The following VIPAS39 variants were observed in gnomAD, a reference collection of about 807,000 sequenced individuals.
VIPAS39 encodes the protein VPS33B interacting protein, apical-basolateral polarity regulator, spe-39 homolog.
A neutral mutation model predicts 84.7 loss-of-function variants in VIPAS39; 63 were observed. The observed-to-expected ratio is 0.74, with a 90% CI of 0.61 to 0.92. The LOEUF (loss-of-function observed/expected upper bound fraction) is 0.92. VIPAS39 is among the 40% of genes least tolerant of loss of function. The pLI is 0.00. For synonymous variants in VIPAS39, 192 were observed against 216.5 expected, an observed-to-expected ratio of 0.89 and a Z score of 0.99; for missense variants, 499 against 604.5, an observed-to-expected ratio of 0.83 and a Z score of 1.83.
At chr14:77,441,207 T>A in intron 10 of VIPAS39, 114 bp from the exon 11 acceptor site, 1 of 1,140,556 alleles carries the variant, frequency 8.8e-7, no homozygotes, top group Non-Finnish European at 1.3e-6. Context: ...CATTTCCCTC[T>A]ATACACAAGA....
intron 7 of VIPAS39, among the ~76,000 whole-genome samples, chr14:77,448,016 G>A (rs1453412093): frequency 1.5e-5 from 2 of 133,066 alleles, no homozygotes; most frequent in South Asian, 2.4e-4. Context: ...ATGCAGTGGT[G>A]CAATCTCAGC....
chr14:77,431,874 A>T (rs1007426832), intron 16 of VIPAS39, among the ~76,000 whole-genome samples: 2 of 152,220 alleles, frequency 1.3e-5, no homozygotes, highest in Non-Finnish European at 2.9e-5. Flanking sequence ...AAATATCTGT[A>T]ACTTACAAAA....
At chr14:77,435,746 A>T in intron 13 of VIPAS39, 98 bp downstream of exon 13, 1 of 1,344,756 alleles carries the variant, frequency 7.4e-7, no homozygotes, top group Non-Finnish European at 1.1e-6. Context: ...AGAAACCAGT[A>T]AGAAATGACC....
chr14:77,432,811 G>A (rs2078543922), intron 16 of VIPAS39, among the ~76,000 whole-genome samples: 1 of 152,154 alleles, frequency 6.6e-6, no homozygotes, highest in South Asian at 2.1e-4. Flanking sequence ...GAAATCTAAT[G>A]TACAGCATGA....
intron 13 of VIPAS39, 33 bp from the exon 14 acceptor site, chr14:77,435,426 A>AAAAC: frequency 1.2e-6 from 2 of 1,611,276 alleles, no homozygotes; most frequent in Non-Finnish European, 8.5e-7. Context: ...AAAAAAAAAA[A>AAAAC]AAACAATGTC....
chr14:77,436,102 G>A (rs1220898055), intron 12 of VIPAS39, among the ~76,000 whole-genome samples, 183 bp from the exon 13 acceptor site: 1 of 152,168 alleles, frequency 6.6e-6, no homozygotes, highest in Non-Finnish European at 1.5e-5. Context: ...CATATTAAAG[G>A]TTTTGCCAAT....
chr14:77,435,414 T>TG (rs2078593670), intron 13 of VIPAS39, 21 bp from the exon 14 acceptor site: 1 of 892,276 alleles, frequency 1.1e-6, no homozygotes, highest in Admixed American at 4.2e-5. Flanking sequence ...GTGAGCCAAG[T>TG]GAAAAAAAAA....
At chr14:77,435,423 A>AAAC (rs748725505) in intron 13 of VIPAS39, 30 bp from the exon 14 acceptor site, 5 of 1,610,714 alleles carry the variant, frequency 3.1e-6, no homozygotes, top group Non-Finnish European at 4.2e-6. Context: ...GTGAAAAAAA[A>AAAC]AAAAAACAAT....
chr14:77,443,913 C>T (rs1428296849), intron 8 of VIPAS39, among the ~76,000 whole-genome samples: 5 of 150,514 alleles, frequency 3.3e-5, no homozygotes, highest in Admixed American at 2.0e-4. Context: ...TGGTGGTATG[C>T]ACCTGTGGTC....
chr14:77,444,807 C>T (rs1237640942), intron 7 of VIPAS39, among the ~76,000 whole-genome samples: 2 of 152,046 alleles, frequency 1.3e-5, no homozygotes, highest in Non-Finnish European at 2.9e-5. Flanking sequence ...TGGTCTCGAT[C>T]TCCTGACCTC....
At position 77,429,696 on chromosome 14, in the gene VIPAS39, G is replaced by A; in HGVS notation, c.1251C>T (p.Asn417=). 6.2e-7 allele frequency: 1 copy of A among 1,614,182 alleles called. No homozygotes were observed. The highest frequency in any genetic ancestry group is 8.5e-7 in the Non-Finnish European group (1 of 1,180,016). ...GACCCATTACCTGCACAGGGGCATTGTTCTTGTGCAAAATTTCGACAACCC... is the reference window on the plus strand; with the variant it reads ...GACCCATTACCTGCACAGGGGCATTATTCTTGTGCAAAATTTCGACAACCC... ...FHRVVEILHK[N]NAPVQILQEY... Residue 417 remains asparagine (N), a synonymous_variant, in exon 17 of 20, where the codon AAC becomes AAT. Coordinates refer to ENST00000557658, the MANE Select transcript of VIPAS39 (RefSeq NM_001193315.2).
Position 77,437,807 on chromosome 14 carries a change from C to T in VIPAS39, c.836+1G>A, listed in dbSNP as rs1171955854. ...TAAAATCATTTTTCCCCCATACTTA[C>T]CCAACACAGGTTTTAAGAAATTCTT... On this transcript the variant is annotated splice_donor_variant, in intron 12 of 19. Transcript: ENST00000557658. LOFTEE classifies it high-confidence loss of function. 1 of 1,613,818 alleles carries T rather than the reference C, an allele frequency of 6.2e-7. No individual in the cohort carries two copies. The highest frequency in any genetic ancestry group is 8.5e-7 in the Non-Finnish European group (1 of 1,179,854).
chr14:77,430,041 T>C (rs2078496073), intron 16 of VIPAS39, among the ~76,000 whole-genome samples: 1 of 152,230 alleles, frequency 6.6e-6, no homozygotes, highest in Admixed American at 6.5e-5. Context: ...TTACTTAATA[T>C]TTGTAGTATG....
chr14:77,433,811 G>C, intron 16 of VIPAS39, 31 bp downstream of exon 16: 1 of 1,602,736 alleles, frequency 6.2e-7, no homozygotes, highest in African/African-American at 1.3e-5. Context: ...TGTCTCCCAA[G>C]GCCTCAGCAG....
At position 77,448,500 on chromosome 14, in the gene VIPAS39, C is replaced by G; in HGVS notation, c.498G>C (p.Lys166Asn). The G allele has an allele frequency of 6.2e-7, 1 of 1,614,166 alleles. No individual in the cohort carries two copies. Among genetic ancestry groups the G allele is most frequent in the Middle Eastern group, 1.6e-4 (1 of 6,062 alleles). ...AAAAATTCTCTGTCCTTACCTTGCC[C>G]TTCCGGAGACGTCGCACTGTATCAC... Reference protein sequence around the residue: ...SPSDTVRRLRKGKVCSLERFR... With the variant: ...SPSDTVRRLRNGKVCSLERFR... Residue 166 changes from lysine to asparagine, a missense_variant, in exon 7 of 20, where the codon AAG (lysine) becomes AAC (asparagine). Coordinates refer to ENST00000557658, the MANE Select transcript of VIPAS39 (RefSeq NM_001193315.2).
At position 77,454,135 on chromosome 14, in the gene VIPAS39, T is replaced by C. The variant is rs949930111; in HGVS notation, c.1-33A>G. On this transcript the variant is annotated intron_variant, in intron 1 of 19. Transcript: ENST00000557658. Reference sequence around the variant, plus strand: ...GACAGGAAAACATACATTGCCCCTTTCTGGGTCTCTCCCTAAAGAGTTCCA... The same window carrying C: ...GACAGGAAAACATACATTGCCCCTTCCTGGGTCTCTCCCTAAAGAGTTCCA... 6 of 1,598,716 alleles carry C rather than the reference T, an allele frequency of 3.8e-6. No homozygotes were observed. The African/African-American group carries it at 8.0e-5, about 21-fold the overall frequency.
At chr14:77,429,166 G>T in intron 17 of VIPAS39, 71 bp from the exon 18 acceptor site, 3 of 1,422,140 alleles carry the variant, frequency 2.1e-6, no homozygotes, top group Non-Finnish European at 3.0e-6. Context: ...AGGTAGAAAA[G>T]AAAGTCCTGA....
chr14:77,443,159 G>GA lies in VIPAS39; in HGVS notation c.598-8dup. ...TCTTCAGGAAAATCAGAACCTACAGGAAAAAAGAACAAAGACTGTGCAAAC... is the reference window on the plus strand; with the variant it reads ...TCTTCAGGAAAATCAGAACCTACAGGAAAAAAAGAACAAAGACTGTGCAAAC... On this transcript the variant is annotated splice_region_variant and splice_polypyrimidine_tract_variant and intron_variant, in intron 8 of 19. Coordinates refer to ENST00000557658, the MANE Select transcript of VIPAS39 (RefSeq NM_001193315.2). 6.2e-7 allele frequency: 1 copy of GA among 1,614,070 alleles called. No individual in the cohort carries two copies. The highest frequency in any genetic ancestry group is 8.5e-7 in the Non-Finnish European group (1 of 1,180,004).
At chr14:77,444,729 T>G (rs1018412425) in intron 7 of VIPAS39, among the ~76,000 whole-genome samples, 1 of 150,784 alleles carries the variant, frequency 6.6e-6, no homozygotes, top group Non-Finnish European at 1.5e-5. Context: ...CCCGCCACCA[T>G]GCCCGGCTAA....
Sources: allele counts gnomAD v4.1 joint callset (sites outside exome capture counted in the v4.1 genomes callset), GRCh38; gene constraint gnomAD v4.1.1; transcripts MANE v1.5; gene names NCBI Gene and HGNC (gene_info 2026-07-23, HGNC 2026-07-21).